The following WWOX variants were observed in gnomAD, a reference collection of about 807,000 sequenced individuals.
The protein encoded by WWOX is WW domain containing oxidoreductase.
In WWOX, 69 loss-of-function variants were observed where a neutral mutation model predicts 46.2. The observed-to-expected ratio is 1.49, with a 90% CI of 1.23 to 1.82. The LOEUF is 1.82. WWOX is among the 40% of genes most tolerant of loss of function. The probability of loss-of-function intolerance (pLI) is 0.00; values close to 1 mark genes in which losing one functional copy is unlikely to be tolerated. For missense variants in WWOX, 919 were observed against 542.6 expected (o/e 1.69, Z -6.89); for synonymous variants, 359 against 202.6 (o/e 1.77, Z -6.56).
chr16:79,192,988 A>G (rs1328775447), intron 8 of WWOX, among the ~76,000 whole-genome samples: 5 of 152,182 alleles, frequency 3.3e-5, no homozygotes, highest in Admixed American at 2.6e-4. Flanking sequence ...CCTTTCTGCT[A>G]CTTCTCTTTG....
intron 8 of WWOX, among the ~76,000 whole-genome samples, chr16:78,959,635 G>A (rs183876748): frequency 9.3e-4 from 142 of 152,226 alleles, no homozygotes; most frequent in Admixed American, 2.8e-3. Context: ...CAGTGTCTTG[G>A]TGAAAGATCA....
intron 5 of WWOX, among the ~76,000 whole-genome samples, chr16:78,356,184 C>G (rs984798255): frequency 1.3e-5 from 2 of 149,912 alleles, no homozygotes; most frequent in African/African-American, 4.9e-5. Flanking sequence ...GAGACTCTGT[C>G]TCAAAATAAA....
intron 8 of WWOX, among the ~76,000 whole-genome samples, chr16:78,571,782 C>T (rs1020142635): frequency 1.5e-4 from 23 of 152,086 alleles, no homozygotes; most frequent in Non-Finnish European, 2.2e-4. Flanking sequence ...GCAGGAGAAT[C>T]GCTGGAACCC....
At chr16:78,546,188 C>T (rs372153609) in intron 8 of WWOX, among the ~76,000 whole-genome samples, 7 of 152,112 alleles carry the variant, frequency 4.6e-5, no homozygotes, top group African/African-American at 7.2e-5. Flanking sequence ...ATGTAAGTTA[C>T]TAATACAGCT....
rs192383072 is a variant in WWOX at position 78,545,874 on chromosome 16, C to G, written c.1056+113122C>G. ...TGGTGCACATCCCTGGTGTCTCTTC[C>G]TCCTCTTATAAGGACACCAGTCCTC... On this transcript the variant is annotated intron_variant, in intron 8 of 8. Transcript: ENST00000566780. Among the ~76,000 whole-genome samples the G allele has an allele frequency of 4.6e-5, 7 of 152,244 alleles. No homozygotes were observed. The East Asian group carries it at 1.4e-3, about 30-fold the overall frequency.
intron 8 of WWOX, among the ~76,000 whole-genome samples, chr16:78,761,618 G>C (rs982390917): frequency 6.6e-6 from 1 of 152,030 alleles, no homozygotes; most frequent in East Asian, 1.9e-4. Context: ...TTGTGGGGGC[G>C]TCTGACATGT....
intron 8 of WWOX, among the ~76,000 whole-genome samples, chr16:78,439,939 T>G (rs992675234): frequency 6.6e-6 from 1 of 152,232 alleles, no homozygotes; most frequent in African/African-American, 2.4e-5. Context: ...TTTTCCTTTA[T>G]CAAGAGACAG....
chr16:79,010,917 C>T (rs944521901), intron 8 of WWOX, among the ~76,000 whole-genome samples: 7 of 151,534 alleles, frequency 4.6e-5, no homozygotes, highest in Non-Finnish European at 8.8e-5. Flanking sequence ...TGTGTGGGAC[C>T]TCGGAGGTCC....
At chr16:79,164,736 A>T (rs1234214658) in intron 8 of WWOX, among the ~76,000 whole-genome samples, 1 of 152,180 alleles carries the variant, frequency 6.6e-6, no homozygotes, top group Non-Finnish European at 1.5e-5. Flanking sequence ...TTCCACTCGC[A>T]TGTGGTGGTC....
intron 8 of WWOX, among the ~76,000 whole-genome samples, chr16:78,967,035 A>G (rs946420208): frequency 2.0e-5 from 3 of 152,284 alleles, no homozygotes; most frequent in East Asian, 1.9e-4. Context: ...AGACTATTCA[A>G]ATGCTTCCTT....
At chr16:79,096,317 C>T (rs954890582) in intron 8 of WWOX, among the ~76,000 whole-genome samples, 9 of 152,132 alleles carry the variant, frequency 5.9e-5, no homozygotes, top group African/African-American at 9.7e-5. Flanking sequence ...CCCTGTTACT[C>T]GGAGTGCAAG....
chr16:78,118,048 T>TC (rs911865024), intron 4 of WWOX, among the ~76,000 whole-genome samples: 75 of 148,922 alleles, frequency 5.0e-4, no homozygotes, highest in Non-Finnish European at 8.8e-4. Flanking sequence ...TTTCTTTCTT[T>TC]TTTTTTTTTA....
At chr16:78,209,222 T>G (rs1248146645) in intron 5 of WWOX, among the ~76,000 whole-genome samples, 2 of 133,786 alleles carry the variant, frequency 1.5e-5, no homozygotes, top group African/African-American at 5.5e-5. Flanking sequence ...TGTCGTGATG[T>G]GACTGTGACG....
chr16:78,810,319 C>T (rs1292298644), intron 8 of WWOX, among the ~76,000 whole-genome samples: 2 of 152,206 alleles, frequency 1.3e-5, no homozygotes, highest in Non-Finnish European at 1.5e-5. Flanking sequence ...TCATGTTCTG[C>T]CCAATCACCT....
chr16:78,494,722 C>T (rs2738722), intron 8 of WWOX, among the ~76,000 whole-genome samples: 112,895 of 152,076 alleles, frequency 0.74, 44,285 homozygotes, highest in Admixed American at 0.86. Context: ...AAGGCTTGGT[C>T]ATCGGTCCTT....
At chr16:79,015,291 T>A (rs1261508655) in intron 8 of WWOX, among the ~76,000 whole-genome samples, 2 of 152,198 alleles carry the variant, frequency 1.3e-5, no homozygotes, top group African/African-American at 4.8e-5. Context: ...GAAGCTCAGC[T>A]GAACAGATGA....
chr16:79,182,316 A>T (rs533829411), intron 8 of WWOX, among the ~76,000 whole-genome samples: 1 of 152,230 alleles, frequency 6.6e-6, no homozygotes, highest in East Asian at 1.9e-4. Context: ...CCATGTTGTC[A>T]TCAAAACGAC....
At chr16:78,506,075 A>G (rs1301144502) in intron 8 of WWOX, among the ~76,000 whole-genome samples, 1 of 152,200 alleles carries the variant, frequency 6.6e-6, no homozygotes, top group Admixed American at 6.5e-5. Flanking sequence ...TCTGCGTCCA[A>G]GAGCTCCTCG....
At chr16:78,468,168 C>G (rs1189737522) in intron 8 of WWOX, among the ~76,000 whole-genome samples, 1 of 152,050 alleles carries the variant, frequency 6.6e-6, no homozygotes, top group African/African-American at 2.4e-5. Context: ...ACTGCTTTTA[C>G]TATTGTGTGG....
Sources: gnomAD v4.1 joint callset for allele counts (sites outside exome capture counted in the v4.1 genomes callset) on GRCh38, gnomAD v4.1.1 for gene constraint, MANE v1.5 for transcripts, NCBI Gene and HGNC (gene_info 2026-07-23, HGNC 2026-07-21) for gene names.